The following SPAG16 variants were observed in gnomAD, a reference collection of about 807,000 sequenced individuals.
SPAG16 encodes the protein sperm associated antigen 16.
In SPAG16, 86 loss-of-function variants were observed where a neutral mutation model predicts 80.4. The ratio of observed to expected loss-of-function variants is 1.07; its 90% confidence interval spans 0.90 to 1.28. The LOEUF is 1.28. Ranked by LOEUF, SPAG16 falls within the 50% of genes most tolerant of loss-of-function variation. The pLI, the probability that SPAG16 is intolerant of heterozygous loss-of-function variation, is 0.00. For synonymous variants in SPAG16, 294 were observed against 265.9 expected, an observed-to-expected ratio of 1.11 and a Z score of -1.03; for missense variants, 870 against 765.3, an observed-to-expected ratio of 1.14 and a Z score of -1.61.
chr2:213,911,233 C>T (rs1166121252), intron 11 of SPAG16, among the ~76,000 whole-genome samples: 1 of 152,208 alleles, frequency 6.6e-6, no homozygotes, highest in African/African-American at 2.4e-5. Flanking sequence ...GCAACTTCCA[C>T]CTCCCGGGCT....
Position 213,910,735 on chromosome 2 carries a change from G to A in SPAG16, c.1215-19225G>A, listed in dbSNP as rs552379864. ...GATCTCCTGACCTCGTGATCCGCCC[G>A]CCTCGGCCTCCCAAAGTGCTGGGAT... On this transcript the variant is annotated intron_variant, in intron 11 of 15. Transcript: ENST00000331683. Among the ~76,000 whole-genome samples, 4 of 29,944 alleles carry A rather than the reference G, an allele frequency of 1.3e-4. 2 individuals are homozygous for A. Among genetic ancestry groups the A allele is most frequent in the East Asian group, 2.0e-3 (2 of 1,022 alleles). The allele number at this position is 29,944 out of a possible 152,430, so 19.6% of individuals were successfully genotyped here.
chr2:214,139,041 C>G (rs986427130), intron 14 of SPAG16, among the ~76,000 whole-genome samples: 1 of 152,112 alleles, frequency 6.6e-6, no homozygotes, highest in African/African-American at 2.4e-5. Context: ...CAACTATAGT[C>G]CTAGGGTCAG....
chr2:213,355,562 C>G (rs151283897), intron 7 of SPAG16, among the ~76,000 whole-genome samples: 2 of 152,110 alleles, frequency 1.3e-5, no homozygotes, highest in African/African-American at 4.8e-5. Flanking sequence ...TTTAGTTCTC[C>G]TTGAAGACGT....
chr2:214,051,962 T>A (rs2049668304), intron 13 of SPAG16, among the ~76,000 whole-genome samples: 1 of 152,212 alleles, frequency 6.6e-6, no homozygotes, highest in Non-Finnish European at 1.5e-5. Context: ...GAAAAATAGA[T>A]TTCCCTTTTT....
At chr2:214,342,607 T>C (rs945978089) in intron 15 of SPAG16, among the ~76,000 whole-genome samples, 2 of 152,078 alleles carry the variant, frequency 1.3e-5, no homozygotes, top group African/African-American at 4.8e-5. Context: ...TTATGGTCAG[T>C]TGTATAATTA....
At position 213,922,354 on chromosome 2, in the gene SPAG16, G is replaced by A. The variant is rs183396127; in HGVS notation, c.1215-7606G>A. Among the ~76,000 whole-genome samples, 6 of 152,184 alleles carry A rather than the reference G, an allele frequency of 3.9e-5. No individual in the cohort carries two copies. The East Asian group carries it at 9.6e-4, about 24-fold the overall frequency. On this transcript the variant is annotated intron_variant, in intron 11 of 15. Coordinates refer to ENST00000331683, the MANE Select transcript of SPAG16 (RefSeq NM_024532.5). Reference sequence around the variant, plus strand: ...GTGATTTAATTATGCAATTCTTGTAGTATGTTTCTTATCTCTATTAGATGA... The same window carrying A: ...GTGATTTAATTATGCAATTCTTGTAATATGTTTCTTATCTCTATTAGATGA...
chr2:213,939,362 G>C (rs1168397201), intron 12 of SPAG16, among the ~76,000 whole-genome samples: 8 of 152,166 alleles, frequency 5.3e-5, no homozygotes, highest in Non-Finnish European at 2.9e-5. Context: ...TAAATCATTA[G>C]ACAAGCTCCC....
chr2:213,521,441 G>A (rs1175700797), intron 10 of SPAG16, among the ~76,000 whole-genome samples: 1 of 152,202 alleles, frequency 6.6e-6, no homozygotes, highest in East Asian at 1.9e-4. Context: ...GCATATTTCA[G>A]GAAGACTTCC....
chr2:214,192,610 A>G (rs1559118697), intron 15 of SPAG16, among the ~76,000 whole-genome samples: 1 of 145,456 alleles, frequency 6.9e-6, no homozygotes, highest in Non-Finnish European at 1.5e-5. Context: ...TGTTTATTGC[A>G]CTTAGTAGTA....
At chr2:213,342,318 T>G (rs189134710) in intron 6 of SPAG16, among the ~76,000 whole-genome samples, 1,993 of 120,160 alleles carry the variant, frequency 0.017, 26 homozygotes, top group Middle Eastern at 0.048. Flanking sequence ...ATATATATGT[T>G]ACATATATGT....
chr2:213,540,029 ATTTTTTTT>A (rs58117443), intron 10 of SPAG16, among the ~76,000 whole-genome samples: 2,837 of 110,830 alleles, frequency 0.026, 38 homozygotes, highest in Middle Eastern at 0.1. Context: ...ATATTTCTTA[ATTTTTTTT>A]TTTTTTTTTT....
At chr2:214,317,440 G>C (rs770541378) in intron 15 of SPAG16, among the ~76,000 whole-genome samples, 2 of 152,140 alleles carry the variant, frequency 1.3e-5, no homozygotes, top group African/African-American at 2.4e-5. Context: ...ACCTTGGATC[G>C]TTCTCACGTT....
intron 15 of SPAG16, among the ~76,000 whole-genome samples, chr2:214,382,751 G>A (rs1348468048): frequency 2.0e-5 from 3 of 152,140 alleles, no homozygotes; most frequent in Non-Finnish European, 2.9e-5. Flanking sequence ...CCAAATAATT[G>A]TTCAATATGC....
chr2:213,824,881 T>A (rs1005876049), intron 10 of SPAG16, among the ~76,000 whole-genome samples: 11 of 152,194 alleles, frequency 7.2e-5, no homozygotes, highest in Non-Finnish European at 1.5e-4. Context: ...TATTCTTTCA[T>A]TTTTTGTCTC....
intron 9 of SPAG16, among the ~76,000 whole-genome samples, chr2:213,424,172 A>G (rs967442993): frequency 1.3e-5 from 2 of 152,218 alleles, no homozygotes; most frequent in Non-Finnish European, 2.9e-5. Flanking sequence ...AAGGGTCAGC[A>G]TGAGAAAGAA....
intron 11 of SPAG16, among the ~76,000 whole-genome samples, chr2:213,881,718 GCC>G (rs1188255900): frequency 6.6e-6 from 1 of 152,146 alleles, no homozygotes; most frequent in Non-Finnish European, 1.5e-5. Context: ...GGGAGAAACT[GCC>G]CCCATGATTC....
At chr2:213,710,534 G>T (rs62192662) in intron 10 of SPAG16, among the ~76,000 whole-genome samples, 24,989 of 152,138 alleles carry the variant, frequency 0.16, 2,866 homozygotes, top group Non-Finnish European at 0.25. Flanking sequence ...GAATCACATT[G>T]TATGGCTGTG....
At chr2:213,941,316 CCTT>C (rs1159338606) in intron 12 of SPAG16, among the ~76,000 whole-genome samples, 2 of 152,146 alleles carry the variant, frequency 1.3e-5, no homozygotes, top group African/African-American at 4.8e-5. Flanking sequence ...GCCTGTAACT[CCTT>C]CTTTTTAATC....
chr2:213,341,572 G>A (rs546003457), intron 6 of SPAG16, among the ~76,000 whole-genome samples: 91 of 151,894 alleles, frequency 6.0e-4, no homozygotes, highest in African/African-American at 2.0e-3. Flanking sequence ...TCATTCTGTC[G>A]CCCATTTTAG....
Sources: allele counts gnomAD v4.1 joint callset (sites outside exome capture counted in the v4.1 genomes callset), GRCh38; gene constraint gnomAD v4.1.1; transcripts MANE v1.5; gene names NCBI Gene and HGNC (gene_info 2026-07-23, HGNC 2026-07-21).